Variants in COL4A2 observed in about 807,000 individuals in gnomAD.
COL4A2 encodes collagen type IV alpha 2 chain, also known as collagen alpha-2(IV) chain.
In COL4A2, 99 loss-of-function variants were observed where a neutral mutation model predicts 200.2. That is an observed-to-expected ratio of 0.49 (90% CI 0.42 to 0.58). COL4A2 has a LOEUF of 0.58. COL4A2 is among the 20% of genes least tolerant of loss of function. The pLI is 0.00. For missense variants in COL4A2, 1,950 were observed against 2,314.1 expected, an observed-to-expected ratio of 0.84 and a Z score of 3.23; for synonymous variants, 897 against 900.6, an observed-to-expected ratio of 1.00 and a Z score of 0.07.
chr13:110,367,496 G>A (rs541263522), intron 4 of COL4A2, among the ~76,000 whole-genome samples: 2 of 152,358 alleles, frequency 1.3e-5, no homozygotes, highest in Non-Finnish European at 2.9e-5. Context: ...TCTTAGCTCT[G>A]CATGGCAATA....
At chr13:110,375,650 C>T (rs1311775829) in intron 4 of COL4A2, among the ~76,000 whole-genome samples, 5 of 152,074 alleles carry the variant, frequency 3.3e-5, no homozygotes, top group African/African-American at 7.2e-5. Context: ...GCCAACATGG[C>T]GAAACCTCTT....
intron 16 of COL4A2, among the ~76,000 whole-genome samples, chr13:110,442,087 CAAAAAAAAAAAAAAAAAA>C (rs10530153): frequency 8.4e-5 from 4 of 47,642 alleles, no homozygotes; most frequent in Admixed American, 2.2e-4. Flanking sequence ...CTCTCTGTCT[CAAAAAAAAAAAAAAAAAA>C]AAAAAAAAAA....
intron 3 of COL4A2, among the ~76,000 whole-genome samples, chr13:110,318,190 TAAATGA>T (rs1193335817): frequency 6.6e-6 from 1 of 152,200 alleles, no homozygotes; most frequent in Non-Finnish European, 1.5e-5. Flanking sequence ...ATTCGTTCAT[TAAATGA>T]ACATGTCTGA....
intron 4 of COL4A2, among the ~76,000 whole-genome samples, chr13:110,384,855 A>G (rs1021842330): frequency 1.3e-5 from 2 of 152,356 alleles, no homozygotes; most frequent in African/African-American, 4.8e-5. Flanking sequence ...AGGCTGAGGC[A>G]AGCTCTGTGG....
chr13:110,391,394 G>T (rs1389191868), intron 4 of COL4A2, among the ~76,000 whole-genome samples: 2 of 152,246 alleles, frequency 1.3e-5, no homozygotes, highest in African/African-American at 4.8e-5. Flanking sequence ...TTTGTGAGGA[G>T]TCCGGCAGCC....
intron 19 of COL4A2, among the ~76,000 whole-genome samples, chr13:110,450,070 G>A (rs1192513322): frequency 1.3e-5 from 2 of 152,194 alleles, no homozygotes; most frequent in Non-Finnish European, 2.9e-5. Flanking sequence ...GAATCATCAG[G>A]TGTTGTTGCC....
intron 3 of COL4A2, among the ~76,000 whole-genome samples, chr13:110,337,323 C>T (rs1006164000): frequency 1.3e-5 from 2 of 152,192 alleles, no homozygotes; most frequent in Non-Finnish European, 2.9e-5. Context: ...GAATCATAAA[C>T]GTAAGATTTA....
intron 3 of COL4A2, among the ~76,000 whole-genome samples, chr13:110,317,110 T>C (rs1164806404): frequency 6.8e-6 from 1 of 145,994 alleles, no homozygotes; most frequent in Non-Finnish European, 1.5e-5. Context: ...GACACACACA[T>C]GCACATATAG....
At chr13:110,369,734 TA>T (rs1877921080) in intron 4 of COL4A2, among the ~76,000 whole-genome samples, 1 of 152,058 alleles carries the variant, frequency 6.6e-6, no homozygotes, top group Admixed American at 6.6e-5. Flanking sequence ...AAATACGCAC[TA>T]ACTCAGATAC....
At chr13:110,510,036 G>A (rs1048685155) in intron 47 of COL4A2, among the ~76,000 whole-genome samples, 1 of 152,212 alleles carries the variant, frequency 6.6e-6, no homozygotes, top group Non-Finnish European at 1.5e-5. Flanking sequence ...CCTTCTGTGT[G>A]GTGACAAGCA....
chr13:110,376,162 T>C (rs1780060409), intron 4 of COL4A2, among the ~76,000 whole-genome samples: 1 of 152,220 alleles, frequency 6.6e-6, no homozygotes, highest in African/African-American at 2.4e-5. Flanking sequence ...GCCTCCTGCT[T>C]GTTCATGACA....
Position 110,351,223 on chromosome 13 carries a change from G to T in COL4A2, c.100-6249G>T, listed in dbSNP as rs554705174. Among the ~76,000 whole-genome samples the T allele has an allele frequency of 1.3e-3, 203 of 150,986 alleles. 1 individual carries two copies. Among genetic ancestry groups the T allele is most frequent in the Admixed American group, 0.01 (157 of 15,164 alleles). On this transcript the variant is annotated intron_variant, in intron 3 of 47. Coordinates refer to ENST00000360467, the MANE Select transcript of COL4A2 (RefSeq NM_001846.4). ...ACCACCACACCCAGCTATTCTTTTT[G>T]TTTGTTTGTTTGTTTGTTTGTTCGT...
intron 24 of COL4A2, among the ~76,000 whole-genome samples, chr13:110,463,860 T>A (rs556904338): frequency 6.6e-6 from 1 of 152,272 alleles, no homozygotes; most frequent in South Asian, 2.1e-4. Context: ...TTAAGTGCAG[T>A]TTTTTGGGGC....
rs185989191 is a variant in COL4A2 at position 110,419,918 on chromosome 13, C to T, written c.181-4816C>T. Among the ~76,000 whole-genome samples, 184 of 152,334 alleles carry T rather than the reference C, an allele frequency of 1.2e-3. 1 individual carries two copies. Among genetic ancestry groups the T allele is most frequent in the African/African-American group, 4.2e-3 (176 of 41,574 alleles). On this transcript the variant is annotated intron_variant, in intron 4 of 47. Coordinates refer to ENST00000360467, the MANE Select transcript of COL4A2 (RefSeq NM_001846.4). Reference sequence around the variant, plus strand: ...CAGTAAGCCAGACCTTTCTACTGAGCCCCAACTCCATGCTTAAGAGGTTTT... The same window carrying T: ...CAGTAAGCCAGACCTTTCTACTGAGTCCCAACTCCATGCTTAAGAGGTTTT...
At chr13:110,496,878 C>T (rs1430074753) in intron 40 of COL4A2, among the ~76,000 whole-genome samples, 6 of 150,842 alleles carry the variant, frequency 4.0e-5, no homozygotes, top group African/African-American at 1.5e-4. Context: ...AGTCCACCAG[C>T]ACAGCCTCAG....
intron 28 of COL4A2, among the ~76,000 whole-genome samples, chr13:110,470,054 A>G (rs1164884224): frequency 6.6e-6 from 1 of 151,852 alleles, no homozygotes; most frequent in Non-Finnish European, 1.5e-5. Context: ...AGCTGGGATT[A>G]CAGGCATGTG....
chr13:110,406,949 G>T (rs1466412055), intron 4 of COL4A2, among the ~76,000 whole-genome samples: 1 of 152,156 alleles, frequency 6.6e-6, no homozygotes, highest in Admixed American at 6.5e-5. Context: ...GCCTTCAGGG[G>T]CCCGGCAGGG....
intron 16 of COL4A2, among the ~76,000 whole-genome samples, chr13:110,444,248 TTTG>T (rs893891514): frequency 2.0e-5 from 3 of 152,186 alleles, no homozygotes; most frequent in African/African-American, 4.8e-5. Flanking sequence ...GGGTGCTTGT[TTTG>T]TTTGCTGAGG....
At chr13:110,373,849 C>T (rs902898170) in intron 4 of COL4A2, among the ~76,000 whole-genome samples, 1 of 152,212 alleles carries the variant, frequency 6.6e-6, no homozygotes, top group Non-Finnish European at 1.5e-5. Flanking sequence ...GTAAGTTAAT[C>T]GGGCACATGC....
Sources: gnomAD v4.1 joint callset for allele counts (sites outside exome capture counted in the v4.1 genomes callset) on GRCh38, gnomAD v4.1.1 for gene constraint, MANE v1.5 for transcripts, NCBI Gene and HGNC (gene_info 2026-07-23, HGNC 2026-07-21) for gene names.